SAMD12: variants seen among roughly 807,000 people sequenced by gnomAD.
SAMD12 encodes sterile alpha motif domain-containing protein 12.
A neutral mutation model predicts 15.0 loss-of-function variants in SAMD12; 9 were observed. The ratio of observed to expected loss-of-function variants is 0.60; its 90% confidence interval spans 0.36 to 1.05. The LOEUF (loss-of-function observed/expected upper bound fraction) is 1.05, where lower values mean the gene tolerates loss of function less well. SAMD12 is among the 50% of genes least tolerant of loss of function. The probability of loss-of-function intolerance (pLI) is 0.01; values close to 1 mark genes in which losing one functional copy is unlikely to be tolerated. For synonymous variants in SAMD12, 86 were observed against 90.1 expected, an observed-to-expected ratio of 0.96 and a Z score of 0.25; for missense variants, 230 against 234.2, an observed-to-expected ratio of 0.98 and a Z score of 0.12.
chr8:118,214,701 G>A (rs1811913897), intron 4 of SAMD12, among the ~76,000 whole-genome samples: 2 of 152,184 alleles, frequency 1.3e-5, no homozygotes, highest in Non-Finnish European at 2.9e-5. Flanking sequence ...TTAACTTAGT[G>A]TTGAATTCAA....
chr8:118,437,002 G>A (rs1822595322), intron 3 of SAMD12, among the ~76,000 whole-genome samples: 1 of 152,146 alleles, frequency 6.6e-6, no homozygotes. Flanking sequence ...CCTGGTACTT[G>A]TAACCACTCC....
intron 4 of SAMD12, among the ~76,000 whole-genome samples, chr8:118,213,178 G>C (rs1292622617): frequency 6.6e-6 from 1 of 152,116 alleles, no homozygotes; most frequent in Non-Finnish European, 1.5e-5. Context: ...TTTTGTCATA[G>C]CCTTTCTCCC....
At chr8:118,474,021 T>C (rs1304928590) in intron 2 of SAMD12, among the ~76,000 whole-genome samples, 2 of 152,206 alleles carry the variant, frequency 1.3e-5, no homozygotes, top group African/African-American at 4.8e-5. Flanking sequence ...TTCAGTGGTG[T>C]GATCCTGGGT....
At chr8:118,592,031 C>G (rs963107623) in intron 1 of SAMD12, among the ~76,000 whole-genome samples, 10 of 152,042 alleles carry the variant, frequency 6.6e-5, no homozygotes, top group Non-Finnish European at 1.5e-5. Context: ...ATAAAAATGG[C>G]AAATAGAAGG....
intron 3 of SAMD12, among the ~76,000 whole-genome samples, chr8:118,423,116 C>T (rs147532135): frequency 2.0e-5 from 3 of 152,062 alleles, no homozygotes; most frequent in Non-Finnish European, 2.9e-5. Context: ...CCCAGGGTAT[C>T]GAGGCTGCAG....
intron 2 of SAMD12, among the ~76,000 whole-genome samples, chr8:118,462,008 T>C (rs1289729065): frequency 6.6e-6 from 1 of 152,248 alleles, no homozygotes; most frequent in African/African-American, 2.4e-5. Flanking sequence ...GGAAACATCC[T>C]AAATGTCCAT....
chr8:118,561,286 A>G (rs551670227), intron 2 of SAMD12, among the ~76,000 whole-genome samples: 16 of 152,324 alleles, frequency 1.1e-4, no homozygotes, highest in African/African-American at 2.4e-4. Context: ...TTTAAGAAAA[A>G]CACATCTCTA....
intron 3 of SAMD12, among the ~76,000 whole-genome samples, chr8:118,388,786 T>A (rs914514550): frequency 6.6e-6 from 1 of 152,206 alleles, no homozygotes; most frequent in African/African-American, 2.4e-5. Context: ...AATGCTAGAC[T>A]TGCTGTTAGT....
chr8:118,514,083 C>A (rs764185722), intron 2 of SAMD12, among the ~76,000 whole-genome samples: 1 of 152,094 alleles, frequency 6.6e-6, no homozygotes, highest in Non-Finnish European at 1.5e-5. Context: ...GGCAAACACA[C>A]CTATTGCCAA....
intron 4 of SAMD12, among the ~76,000 whole-genome samples, chr8:118,287,473 G>C (rs868859219): frequency 1.3e-5 from 2 of 152,144 alleles, no homozygotes; most frequent in Non-Finnish European, 2.9e-5. Context: ...TAAGAAGTCC[G>C]AGCAAAGAGC....
chr8:118,405,674 CAAAG>C (rs1023711631), intron 3 of SAMD12, among the ~76,000 whole-genome samples: 8 of 150,370 alleles, frequency 5.3e-5, no homozygotes, highest in Non-Finnish European at 1.2e-4. Context: ...TACCAGAAAA[CAAAG>C]AAAGAAAAGG....
intron 4 of SAMD12, among the ~76,000 whole-genome samples, chr8:118,232,896 G>A (rs1812347685): frequency 6.6e-6 from 1 of 152,188 alleles, no homozygotes; most frequent in Non-Finnish European, 1.5e-5. Flanking sequence ...AGAAATGAAC[G>A]GTACCAGCCC....
At chr8:118,495,662 C>T (rs1302508381) in intron 2 of SAMD12, among the ~76,000 whole-genome samples, 2 of 151,648 alleles carry the variant, frequency 1.3e-5, no homozygotes, top group African/African-American at 2.4e-5. Flanking sequence ...ACTGATACTT[C>T]CCAAAGTCAC....
the SAMD12 span, among the ~76,000 whole-genome samples, chr8:118,157,805 A>G: frequency 1.3e-5 from 2 of 152,256 alleles, no homozygotes; most frequent in Non-Finnish European, 2.9e-5. Flanking sequence ...ACAGAGACTG[A>G]GTTTGCCTTC....
At chr8:118,453,603 C>T (rs911639899) in intron 2 of SAMD12, among the ~76,000 whole-genome samples, 8 of 152,090 alleles carry the variant, frequency 5.3e-5, no homozygotes, top group African/African-American at 2.4e-5. Flanking sequence ...TCACTGCAGC[C>T]TTAACTTCTC....
intron 4 of SAMD12, among the ~76,000 whole-genome samples, chr8:118,287,761 T>G (rs1296268373): frequency 6.6e-6 from 1 of 152,198 alleles, no homozygotes; most frequent in Non-Finnish European, 1.5e-5. Flanking sequence ...ACTTCATTTG[T>G]TTTCCTTGTT....
At chr8:118,494,291 A>G (rs1176088219) in intron 2 of SAMD12, among the ~76,000 whole-genome samples, 1 of 152,188 alleles carries the variant, frequency 6.6e-6, no homozygotes, top group East Asian at 1.9e-4. Flanking sequence ...CTATAAGACC[A>G]TTTTGGACTT....
At chr8:118,553,661 C>G (rs1375861142) in intron 2 of SAMD12, among the ~76,000 whole-genome samples, 1 of 150,686 alleles carries the variant, frequency 6.6e-6, no homozygotes, top group Admixed American at 6.6e-5. Context: ...GCAATGGCAA[C>G]AAAAGCCAAA....
At chr8:118,149,013 G>T in the SAMD12 span, among the ~76,000 whole-genome samples, 2 of 152,160 alleles carry the variant, frequency 1.3e-5, no homozygotes, top group Non-Finnish European at 2.9e-5. Flanking sequence ...ATCTTTGTGT[G>T]GACATACATA....
Sources: allele counts gnomAD v4.1 joint callset (sites outside exome capture counted in the v4.1 genomes callset), GRCh38; gene constraint gnomAD v4.1.1; transcripts MANE v1.5; gene names NCBI Gene and HGNC (gene_info 2026-07-23, HGNC 2026-07-21).